Variants in PPM1H observed in about 807,000 individuals in gnomAD.
PPM1H encodes protein phosphatase, Mg2+/Mn2+ dependent 1H, also known as protein phosphatase 1H.
A neutral mutation model predicts 54.9 loss-of-function variants in PPM1H; 27 were observed. The observed-to-expected ratio is 0.49, with a 90% CI of 0.36 to 0.68. The LOEUF (loss-of-function observed/expected upper bound fraction) is 0.68, where lower values mean the gene tolerates loss of function less well. Among genes scored for constraint, PPM1H ranks in the 30% least tolerant of loss-of-function variants. The pLI is 0.00. For missense variants in PPM1H, 596 were observed against 667.8 expected (o/e 0.89, Z 1.19); for synonymous variants, 305 against 270.8 (o/e 1.13, Z -1.24).
At chr12:62,656,045 A>T (rs1206104515) in intron 9 of PPM1H, among the ~76,000 whole-genome samples, 1 of 152,244 alleles carries the variant, frequency 6.6e-6, no homozygotes, top group African/African-American at 2.4e-5. Context: ...CTGAAGAGCG[A>T]TGGGAAGGCC....
intron 1 of PPM1H, among the ~76,000 whole-genome samples, chr12:62,849,118 G>T (rs1002486984): frequency 2.0e-5 from 3 of 152,156 alleles, no homozygotes; most frequent in Admixed American, 1.3e-4. Flanking sequence ...CAGGAAGCTT[G>T]TTTCCCAAGG....
At chr12:62,724,575 T>A (rs2076279881) in intron 5 of PPM1H, among the ~76,000 whole-genome samples, 1 of 152,210 alleles carries the variant, frequency 6.6e-6, no homozygotes, top group Admixed American at 6.5e-5. Context: ...GGGCCTTAAA[T>A]ATTGTGTCAC....
chr12:62,818,679 C>T (rs563469588), intron 2 of PPM1H, among the ~76,000 whole-genome samples: 2 of 152,220 alleles, frequency 1.3e-5, no homozygotes, highest in South Asian at 4.1e-4. Context: ...AGACTGTGGG[C>T]TTATAGCTCT....
At chr12:62,771,474 T>C (rs1472116521) in intron 4 of PPM1H, among the ~76,000 whole-genome samples, 1 of 152,138 alleles carries the variant, frequency 6.6e-6, no homozygotes, top group East Asian at 1.9e-4. Flanking sequence ...AGTGGAGTCC[T>C]AAAGCAGCTC....
intron 2 of PPM1H, among the ~76,000 whole-genome samples, chr12:62,814,800 C>G (rs141599958): frequency 6.6e-6 from 1 of 152,272 alleles, no homozygotes; most frequent in Non-Finnish European, 1.5e-5. Flanking sequence ...CTTTCTACCC[C>G]GTCTCTCCCA....
At chr12:62,755,132 T>C in intron 4 of PPM1H, 1 of 417,798 alleles carries the variant, frequency 2.4e-6, no homozygotes, top group East Asian at 5.4e-5. Context: ...CTTATTTGTA[T>C]ATTTAAATTG....
intron 8 of PPM1H, among the ~76,000 whole-genome samples, chr12:62,682,360 T>C (rs2076023378): frequency 6.6e-6 from 1 of 152,220 alleles, no homozygotes; most frequent in African/African-American, 2.4e-5. Context: ...AAGCACAAAA[T>C]ACAACAAAAT....
At chr12:62,854,071 A>T (rs1046741029) in intron 1 of PPM1H, among the ~76,000 whole-genome samples, 2 of 152,182 alleles carry the variant, frequency 1.3e-5, no homozygotes, top group Non-Finnish European at 2.9e-5. Context: ...AAAACAAAAC[A>T]TGAAAAAAAC....
At chr12:62,661,158 T>C (rs868242368) in intron 9 of PPM1H, among the ~76,000 whole-genome samples, 7 of 152,184 alleles carry the variant, frequency 4.6e-5, no homozygotes, top group African/African-American at 1.7e-4. Flanking sequence ...CCAACTCCCC[T>C]GACCCTTGCC....
At position 62,813,791 on chromosome 12, in the gene PPM1H, T is replaced by C. The variant is rs528251292; in HGVS notation, c.412-11631A>G. On this transcript the variant is annotated intron_variant, in intron 2 of 9. Transcript: ENST00000228705. ...CTATTGTTAATGATGAATTTTGCCT[T>C]GAGATATTAGCTAATGATAGCAGGA... 6.6e-5 allele frequency among the ~76,000 whole-genome samples: 10 copies of C among 152,278 alleles called. No homozygotes were observed. The East Asian group carries it at 1.9e-3, about 29-fold the overall frequency.
At chr12:62,697,820 T>C (rs1456329067) in intron 6 of PPM1H, among the ~76,000 whole-genome samples, 3 of 152,190 alleles carry the variant, frequency 2.0e-5, no homozygotes, top group Non-Finnish European at 4.4e-5. Context: ...TACAATAATA[T>C]GACTGACCAG....
At chr12:62,786,625 AG>A (rs569808285) in intron 4 of PPM1H, among the ~76,000 whole-genome samples, 1 of 152,222 alleles carries the variant, frequency 6.6e-6, no homozygotes, top group South Asian at 2.1e-4. Flanking sequence ...CTGGTTCCTC[AG>A]GGTGGTCAAC....
intron 1 of PPM1H, among the ~76,000 whole-genome samples, chr12:62,883,769 T>C (rs2121052426): frequency 6.6e-6 from 1 of 152,262 alleles, no homozygotes. Flanking sequence ...GTTTGAGTTT[T>C]CAAAAATACC....
intron 4 of PPM1H, among the ~76,000 whole-genome samples, chr12:62,777,579 T>G (rs1353625389): frequency 6.6e-6 from 1 of 152,174 alleles, no homozygotes; most frequent in African/African-American, 2.4e-5. Context: ...TGGATTGAGG[T>G]GTATATATAA....
chr12:62,788,307 T>C lies in PPM1H; in HGVS notation c.788A>G (p.Tyr263Cys), dbSNP rs189507586. 2.5e-6 allele frequency: 4 copies of C among 1,586,024 alleles called. No homozygotes were observed. Among genetic ancestry groups the C allele is most frequent in the East Asian group, 2.3e-5 (1 of 44,022 alleles). Residue 263 changes from tyrosine (Y) to cysteine (C), a missense_variant, in exon 4 of 10, where the codon TAT becomes TGT. Tyr to Cys is a radical substitution (Grantham distance 194). This residue lies in a region of PPM1H where 382 missense variants were observed against 387.1 expected (regional missense o/e 0.99). Transcript: ENST00000228705. ...GGCCGTGCAGCCACCAGATATATTA[T>C]ATGAACTCCTCTCTCGTTCTATCTG... ...DLQIERERSS[Y>C]NISGGCTALI...
intron 6 of PPM1H, 63 bp downstream of exon 6, chr12:62,720,108 T>C: frequency 1.5e-6 from 2 of 1,371,934 alleles, no homozygotes; most frequent in Non-Finnish European, 2.1e-6. Context: ...TGGCTGTTTA[T>C]GGTGGTGATG....
chr12:62,932,433 T>C (rs1173924325), intron 1 of PPM1H, among the ~76,000 whole-genome samples: 1 of 152,014 alleles, frequency 6.6e-6, no homozygotes, highest in Non-Finnish European at 1.5e-5. Flanking sequence ...TGTTTCAGTA[T>C]CTTCTTTCCT....
chr12:62,896,693 G>A (rs1007013428), intron 1 of PPM1H, among the ~76,000 whole-genome samples: 97 of 152,280 alleles, frequency 6.4e-4, no homozygotes, highest in Middle Eastern at 3.4e-3. Context: ...ACAGTGTGGC[G>A]ATTCCTCAAG....
chr12:62,760,203 C>T (rs960422645), intron 4 of PPM1H, among the ~76,000 whole-genome samples: 3 of 152,018 alleles, frequency 2.0e-5, no homozygotes, highest in Non-Finnish European at 4.4e-5. Flanking sequence ...TAATTTTTGT[C>T]GAAAAATGGG....
Sources: gnomAD v4.1 joint callset for allele counts (sites outside exome capture counted in the v4.1 genomes callset) on GRCh38, gnomAD v4.1.1 for gene constraint, gnomAD v4.1.1 regional missense constraint, MANE v1.5 for transcripts, NCBI Gene and HGNC (gene_info 2026-07-23, HGNC 2026-07-21) for gene names.